ZNF385D: variants seen among roughly 807,000 people sequenced by gnomAD.
The protein encoded by ZNF385D is zinc finger protein 385D.
In ZNF385D, 15 loss-of-function variants were observed where a neutral mutation model predicts 35.8. That is an observed-to-expected ratio of 0.42 (90% CI 0.28 to 0.64). The LOEUF (loss-of-function observed/expected upper bound fraction) is 0.64. ZNF385D is among the 30% of genes least tolerant of loss of function. The probability of loss-of-function intolerance (pLI) is 0.23; values close to 1 mark genes in which losing one functional copy is unlikely to be tolerated. For missense variants in ZNF385D, 474 were observed against 494.6 expected (o/e 0.96, Z 0.39); for synonymous variants, 212 against 186.8 (o/e 1.13, Z -1.10).
chr3:22,130,179 G>C (rs948542405), intron 3 of ZNF385D, among the ~76,000 whole-genome samples: 6 of 152,118 alleles, frequency 3.9e-5, no homozygotes, highest in African/African-American at 1.4e-4. Context: ...CTGTGGCTAA[G>C]CTGGAATCCA....
intron 3 of ZNF385D, among the ~76,000 whole-genome samples, chr3:22,159,412 G>A (rs1705802341): frequency 6.7e-6 from 1 of 148,902 alleles, no homozygotes; most frequent in South Asian, 2.1e-4. Flanking sequence ...ATCTTGGACA[G>A]AGTAACCTAT....
chr3:22,260,972 G>A (rs1700596630), intron 2 of ZNF385D, among the ~76,000 whole-genome samples: 1 of 151,950 alleles, frequency 6.6e-6, no homozygotes, highest in African/African-American at 2.4e-5. Flanking sequence ...GAATTCTTCA[G>A]AAACTTAAAA....
chr3:21,422,550 T>C (rs1005135864), intron 7 of ZNF385D, among the ~76,000 whole-genome samples: 1 of 152,060 alleles, frequency 6.6e-6, no homozygotes, highest in Admixed American at 6.5e-5. Flanking sequence ...AAAACAAAAC[T>C]TCAGGCCAAT....
chr3:22,199,313 G>A (rs1383794504), intron 2 of ZNF385D, among the ~76,000 whole-genome samples: 1 of 152,100 alleles, frequency 6.6e-6, no homozygotes, highest in African/African-American at 2.4e-5. Flanking sequence ...AAATGCAGAA[G>A]TTAAAAATAA....
intron 2 of ZNF385D, among the ~76,000 whole-genome samples, chr3:22,194,639 A>G (rs2125231428): frequency 6.6e-6 from 1 of 151,852 alleles, no homozygotes. Context: ...CACCCCCCAA[A>G]TCTTCCTTGT....
At chr3:22,312,684 A>G (rs1187198326) in intron 2 of ZNF385D, among the ~76,000 whole-genome samples, 1 of 152,050 alleles carries the variant, frequency 6.6e-6, no homozygotes, top group African/African-American at 2.4e-5. Context: ...GAGAAATGCA[A>G]ATCAAAACCA....
chr3:21,914,076 T>G (rs929015355), intron 3 of ZNF385D, among the ~76,000 whole-genome samples: 10 of 152,178 alleles, frequency 6.6e-5, no homozygotes, highest in Admixed American at 5.2e-4. Context: ...AAATTGTGCT[T>G]TGTCCATTCA....
At chr3:21,841,438 TA>T (rs11430776) in intron 3 of ZNF385D, among the ~76,000 whole-genome samples, 1 of 151,710 alleles carries the variant, frequency 6.6e-6, no homozygotes, top group African/African-American at 2.4e-5. Context: ...CATTTCATTT[TA>T]AAAAAAGTCA....
rs561479361 is a variant in ZNF385D at position 22,192,682 on chromosome 3, C to G, written c.107-23647G>C. Among the ~76,000 whole-genome samples, 75 of 152,214 alleles carry G rather than the reference C, an allele frequency of 4.9e-4. 1 individual carries two copies. The South Asian group carries it at 0.015, about 31-fold the overall frequency. ...CCTGACTACAACCTCATGAAAAAAC[C>G]TCAGCAAATGCTTCCTAACCAAGCT... On this transcript the variant is annotated intron_variant, in intron 2 of 5. Coordinates refer to the ZNF385D transcript ENST00000494108.
intron 3 of ZNF385D, among the ~76,000 whole-genome samples, chr3:21,992,278 C>T (rs1168017369): frequency 1.3e-5 from 2 of 151,992 alleles, no homozygotes; most frequent in Non-Finnish European, 2.9e-5. Flanking sequence ...CTAGTAGCTG[C>T]AGGTATCTGA....
intron 3 of ZNF385D, among the ~76,000 whole-genome samples, chr3:21,808,032 G>A (rs769088729): frequency 1.3e-5 from 2 of 152,072 alleles, no homozygotes; most frequent in African/African-American, 2.4e-5. Context: ...TTGCTAAGTA[G>A]TATAGATTTT....
chr3:21,993,609 T>C (rs2125400071), intron 3 of ZNF385D, among the ~76,000 whole-genome samples: 1 of 152,318 alleles, frequency 6.6e-6, no homozygotes, highest in Middle Eastern at 3.4e-3. Context: ...TGGAACATTT[T>C]TAAAAAATGA....
At chr3:21,904,410 A>T (rs1440637102) in intron 3 of ZNF385D, among the ~76,000 whole-genome samples, 1 of 152,066 alleles carries the variant, frequency 6.6e-6, no homozygotes, top group African/African-American at 2.4e-5. Context: ...AAAGTGTGGC[A>T]TAGTTCTTTT....
intron 2 of ZNF385D, among the ~76,000 whole-genome samples, chr3:21,620,357 C>G (rs1215780517): frequency 1.3e-5 from 2 of 152,108 alleles, no homozygotes; most frequent in Non-Finnish European, 2.9e-5. Context: ...TTTTTAAACC[C>G]TCTTCCTCTG....
intron 3 of ZNF385D, among the ~76,000 whole-genome samples, chr3:21,925,583 G>C (rs924085817): frequency 6.6e-5 from 10 of 152,078 alleles, no homozygotes; most frequent in Middle Eastern, 3.4e-3. Context: ...CTTGAGACTT[G>C]ACCCAAAAAG....
At position 21,517,495 on chromosome 3, in the gene ZNF385D, T is replaced by C. The variant is rs77657105; in HGVS notation, c.277-6472A>G. Among the ~76,000 whole-genome samples the C allele has an allele frequency of 3.9e-3, 592 of 152,302 alleles. 3 individuals carry two copies. The highest frequency in any genetic ancestry group is 6.2e-3 in the Non-Finnish European group (420 of 68,020). On this transcript the variant is annotated intron_variant, in intron 3 of 7. Transcript: ENST00000281523. Reference sequence around the variant, plus strand: ...ACTCATCAGTAGTTTATTCCCTTTTTTTCTTATTACTGTCTGTGTGTGTTA... The same window carrying C: ...ACTCATCAGTAGTTTATTCCCTTTTCTTCTTATTACTGTCTGTGTGTGTTA...
intron 2 of ZNF385D, among the ~76,000 whole-genome samples, chr3:22,302,181 C>T (rs1484913916): frequency 1.3e-5 from 2 of 152,142 alleles, no homozygotes; most frequent in South Asian, 4.1e-4. Flanking sequence ...TTAGTATCCT[C>T]TCTTGACAAA....
intron 4 of ZNF385D, among the ~76,000 whole-genome samples, chr3:21,486,650 A>G (rs546021776): frequency 6.6e-6 from 1 of 152,300 alleles, no homozygotes; most frequent in Non-Finnish European, 1.5e-5. Context: ...CAAATGTAAA[A>G]TATAAAAATG....
chr3:22,207,844 A>G (rs1343348862), intron 2 of ZNF385D, among the ~76,000 whole-genome samples: 1 of 151,904 alleles, frequency 6.6e-6, no homozygotes, highest in African/African-American at 2.4e-5. Flanking sequence ...CATATCATTG[A>G]TCATCAGAGA....
Sources: gnomAD v4.1 joint callset for allele counts (sites outside exome capture counted in the v4.1 genomes callset) on GRCh38, gnomAD v4.1.1 for gene constraint, MANE v1.5 for transcripts, NCBI Gene and HGNC (gene_info 2026-07-23, HGNC 2026-07-21) for gene names.